CNTN5: variants seen among roughly 807,000 people sequenced by gnomAD.
CNTN5 encodes the protein contactin-5.
CNTN5 carries 77 observed loss-of-function variants against 129.1 expected under a neutral mutation model. The observed-to-expected ratio is 0.60, with a 90% confidence interval of 0.50 to 0.72. The LOEUF (loss-of-function observed/expected upper bound fraction) is 0.72. Ranked by LOEUF, CNTN5 falls within the 30% of genes least tolerant of loss-of-function variation. The probability of loss-of-function intolerance (pLI) is 0.00; values close to 1 mark genes in which losing one functional copy is unlikely to be tolerated. For synonymous variants in CNTN5, 509 were observed against 465.6 expected (o/e 1.09, Z -1.20); for missense variants, 1,478 against 1,328.8 (o/e 1.11, Z -1.75).
intron 9 of CNTN5, among the ~76,000 whole-genome samples, chr11:100,007,888 C>T (rs1457721411): frequency 1.3e-5 from 2 of 151,810 alleles, no homozygotes; most frequent in African/African-American, 2.4e-5. Flanking sequence ...AATTTCTAGC[C>T]TTTGATTTAA....
chr11:99,451,018 T>C (rs1944283580), intron 2 of CNTN5, among the ~76,000 whole-genome samples: 1 of 152,076 alleles, frequency 6.6e-6, no homozygotes, highest in African/African-American at 2.4e-5. Flanking sequence ...CCATTTGTGA[T>C]ATATCCGACA....
chr11:100,306,545 G>A (rs977376494), intron 20 of CNTN5, among the ~76,000 whole-genome samples: 14 of 151,606 alleles, frequency 9.2e-5, no homozygotes, highest in African/African-American at 2.9e-4. Context: ...AAACTGCTAC[G>A]GAATAGCAAA....
chr11:99,275,698 C>T (rs1863396308), intron 1 of CNTN5, among the ~76,000 whole-genome samples: 1 of 151,602 alleles, frequency 6.6e-6, no homozygotes, highest in Admixed American at 6.6e-5. Context: ...TAAGTGTATT[C>T]AACTGTGACC....
At chr11:99,549,704 T>C (rs916905647) in intron 2 of CNTN5, among the ~76,000 whole-genome samples, 2 of 152,146 alleles carry the variant, frequency 1.3e-5, no homozygotes, top group African/African-American at 4.8e-5. Context: ...TGAAATGGTA[T>C]TCAGCATCCC....
chr11:99,898,383 A>C (rs1318019710), intron 6 of CNTN5, among the ~76,000 whole-genome samples: 4 of 152,102 alleles, frequency 2.6e-5, no homozygotes, highest in South Asian at 2.1e-4. Context: ...AGGTGACATC[A>C]CAACTGATAC....
intron 8 of CNTN5, among the ~76,000 whole-genome samples, chr11:99,970,618 A>C (rs1017812009): frequency 6.6e-6 from 1 of 152,222 alleles, no homozygotes; most frequent in African/African-American, 2.4e-5. Context: ...AAGGTTAGCT[A>C]TTAACACAGT....
intron 2 of CNTN5, among the ~76,000 whole-genome samples, chr11:99,425,224 T>A (rs1048511040): frequency 6.6e-6 from 1 of 152,164 alleles, no homozygotes; most frequent in Non-Finnish European, 1.5e-5. Context: ...AACCATCTGA[T>A]TGGCCAAACA....
chr11:100,321,801 T>C (rs936269586), intron 21 of CNTN5, among the ~76,000 whole-genome samples: 1 of 152,240 alleles, frequency 6.6e-6, no homozygotes, highest in African/African-American at 2.4e-5. Context: ...TTTACTGAAA[T>C]GATCATATGG....
intron 2 of CNTN5, among the ~76,000 whole-genome samples, chr11:99,336,309 C>T (rs1268671354): frequency 1.3e-5 from 2 of 152,100 alleles, no homozygotes; most frequent in African/African-American, 4.8e-5. Flanking sequence ...CTCTGAGTTG[C>T]TTGAATGGCA....
intron 2 of CNTN5, among the ~76,000 whole-genome samples, chr11:99,451,200 T>A (rs2135192438): frequency 6.6e-6 from 1 of 152,252 alleles, no homozygotes; most frequent in South Asian, 2.1e-4. Context: ...AATTACTATC[T>A]AATAGCAATA....
chr11:100,300,193 C>A (rs1455897455), intron 20 of CNTN5, among the ~76,000 whole-genome samples: 1 of 151,364 alleles, frequency 6.6e-6, no homozygotes, highest in Non-Finnish European at 1.5e-5. Context: ...ACAGTGGAAA[C>A]CCTGCTTCCT....
chr11:99,230,777 A>C (rs957559067), intron 1 of CNTN5, among the ~76,000 whole-genome samples: 2 of 152,114 alleles, frequency 1.3e-5, no homozygotes, highest in African/African-American at 4.8e-5. Context: ...ATTAAGCCCC[A>C]GCATGCATTA....
intron 1 of CNTN5, among the ~76,000 whole-genome samples, chr11:99,271,589 G>T (rs1249362444): frequency 6.6e-6 from 1 of 151,806 alleles, no homozygotes; most frequent in African/African-American, 2.4e-5. Context: ...GTCTGTGAAG[G>T]ACTAAGTAGG....
chr11:100,274,127 T>C (rs998519691), intron 18 of CNTN5, among the ~76,000 whole-genome samples: 1 of 152,212 alleles, frequency 6.6e-6, no homozygotes, highest in Non-Finnish European at 1.5e-5. Flanking sequence ...GGGGAAAGGA[T>C]ACCCTATTCA....
intron 1 of CNTN5, among the ~76,000 whole-genome samples, chr11:99,091,021 C>CAAAA (rs68113369): frequency 0.052 from 2,942 of 56,726 alleles, 244 homozygotes; most frequent in Non-Finnish European, 0.068. Context: ...GACTCCGTCT[C>CAAAA]AAAAAAAAAA....
At chr11:100,244,588 A>T (rs146717529) in intron 16 of CNTN5, among the ~76,000 whole-genome samples, 2 of 152,288 alleles carry the variant, frequency 1.3e-5, no homozygotes, top group African/African-American at 4.8e-5. Flanking sequence ...GGAGCACACA[A>T]AATATTCAGT....
At chr11:99,076,300 A>C (rs754617867) in intron 1 of CNTN5, among the ~76,000 whole-genome samples, 12 of 152,256 alleles carry the variant, frequency 7.9e-5, no homozygotes, top group Middle Eastern at 3.4e-3. Context: ...GCACCCAGTG[A>C]ACTGGGTGAC....
chr11:99,975,506 T>C (rs553391610), intron 8 of CNTN5, among the ~76,000 whole-genome samples: 2 of 152,288 alleles, frequency 1.3e-5, no homozygotes, highest in Admixed American at 1.3e-4. Flanking sequence ...AAGAAGTACC[T>C]GAGACAGGGT....
intron 13 of CNTN5, among the ~76,000 whole-genome samples, chr11:100,150,680 G>A (rs542359831): frequency 4.0e-5 from 6 of 151,850 alleles, no homozygotes; most frequent in Non-Finnish European, 7.4e-5. Context: ...ATCAACACAA[G>A]CAGAAGAACA....
Sources: gnomAD v4.1 joint callset for allele counts (sites outside exome capture counted in the v4.1 genomes callset) on GRCh38, gnomAD v4.1.1 for gene constraint, MANE v1.5 for transcripts, NCBI Gene and HGNC (gene_info 2026-07-23, HGNC 2026-07-21) for gene names.